The following VPS8 variants were observed in gnomAD, a reference collection of about 807,000 sequenced individuals.
VPS8 encodes the protein VPS8 subunit of CORVET complex.
In VPS8, 129 loss-of-function variants were observed where a neutral mutation model predicts 216.4. The ratio of observed to expected loss-of-function variants is 0.60; its 90% CI spans 0.52 to 0.69. The LOEUF (loss-of-function observed/expected upper bound fraction) is 0.69, where lower values mean the gene tolerates loss of function less well. Ranked by LOEUF, VPS8 falls within the 30% of genes least tolerant of loss-of-function variation. VPS8 has a pLI of 0.00. For missense variants in VPS8, 1,531 were observed against 1,683.5 expected (o/e 0.91, Z 1.59); for synonymous variants, 571 against 565.4 (o/e 1.01, Z -0.14).
intron 1 of VPS8, among the ~76,000 whole-genome samples, chr3:184,822,743 A>C (rs1465869118): frequency 1.3e-5 from 2 of 152,222 alleles, no homozygotes; most frequent in Admixed American, 1.3e-4. Context: ...TCATGAGCTA[A>C]GGTCTTTGAA....
Position 185,032,616 on chromosome 3 carries a change from G to A in VPS8, c.4056+8227G>A, listed in dbSNP as rs764571303. Among the ~76,000 whole-genome samples the A allele has an allele frequency of 3.8e-4, 58 of 152,054 alleles. 2 individuals are homozygous for A. Among genetic ancestry groups the A allele is most frequent in the Non-Finnish European group, 1.2e-4 (8 of 67,982 alleles). On this transcript the variant is annotated intron_variant, in intron 46 of 47. Coordinates refer to ENST00000625842, the MANE Select transcript of VPS8 (RefSeq NM_001009921.3). Reference sequence around the variant, plus strand: ...AGGAAAGAAGCTTAACCAAAATTTGGTTATCAGTTAATAAGCAGTTTGATT... The same window carrying A: ...AGGAAAGAAGCTTAACCAAAATTTGATTATCAGTTAATAAGCAGTTTGATT...
chr3:184,915,552 C>A (rs1293182300), intron 28 of VPS8, 78 bp downstream of exon 28: 19 of 1,478,994 alleles, frequency 1.3e-5, no homozygotes, highest in Non-Finnish European at 1.7e-5. Flanking sequence ...GTGGCTCACC[C>A]CTGTAATCCC....
At chr3:185,035,976 A>T (rs1758822886) in intron 46 of VPS8, among the ~76,000 whole-genome samples, 1 of 152,238 alleles carries the variant, frequency 6.6e-6, no homozygotes, top group African/African-American at 2.4e-5. Context: ...GTTCAGGCTG[A>T]GAATGAAATC....
At chr3:185,010,840 G>A (rs560474349) in intron 45 of VPS8, among the ~76,000 whole-genome samples, 46 of 151,920 alleles carry the variant, frequency 3.0e-4, no homozygotes, top group African/African-American at 1.0e-3. Flanking sequence ...TGTCTCTACC[G>A]AAATTTTTAA....
intron 3 of VPS8, among the ~76,000 whole-genome samples, chr3:184,830,033 T>C (rs952089921): frequency 1.3e-5 from 2 of 152,224 alleles, no homozygotes; most frequent in Non-Finnish European, 2.9e-5. Context: ...AAATTTTCCA[T>C]TCGTGTGCGT....
At position 184,834,804 on chromosome 3, in the gene VPS8, G is replaced by T. The variant is rs1333833478; in HGVS notation, c.447+62G>T. The T allele has an allele frequency of 3.0e-6, 4 of 1,326,952 alleles. No individual in the cohort carries two copies. In the African/African-American group the frequency reaches 5.9e-5, roughly 20 times the overall value. 82.2% of individuals were successfully genotyped at this position (1,326,952 alleles called of 1,614,324 possible). A position where few individuals can be genotyped will look rare whatever the true frequency, so the allele number is the denominator to read the frequency against. ...TGCAATGGCATAATGAAGTAGGAAT[G>T]AGCATAGAACAAAATACAGCACTTC... On this transcript the variant is annotated intron_variant, in intron 5 of 47. Coordinates refer to ENST00000625842, the MANE Select transcript of VPS8 (RefSeq NM_001009921.3).
At chr3:184,818,041 A>G (rs1424793189) in intron 1 of VPS8, among the ~76,000 whole-genome samples, 1 of 152,192 alleles carries the variant, frequency 6.6e-6, no homozygotes, top group African/African-American at 2.4e-5. Context: ...GTAGAGAAAA[A>G]GGAAAGGAAA....
intron 21 of VPS8, among the ~76,000 whole-genome samples, chr3:184,871,551 A>AT (rs1273733405): frequency 1.3e-5 from 2 of 151,896 alleles, no homozygotes; most frequent in East Asian, 1.9e-4. Flanking sequence ...TTGTTTTTTG[A>AT]TTTTTTAAGC....
intron 29 of VPS8, among the ~76,000 whole-genome samples, chr3:184,924,022 GAC>G (rs1739126070): frequency 6.6e-6 from 1 of 152,126 alleles, no homozygotes; most frequent in Non-Finnish European, 1.5e-5. Context: ...TTTTCTTAAA[GAC>G]ACTTATAGCA....
At chr3:185,000,118 G>T (rs1223762121) in intron 45 of VPS8, among the ~76,000 whole-genome samples, 2 of 152,186 alleles carry the variant, frequency 1.3e-5, no homozygotes, top group Admixed American at 6.5e-5. Flanking sequence ...GACAGATGAG[G>T]TGTACACACA....
rs953837302 is a variant in VPS8 at position 184,955,840 on chromosome 3, C to T, written c.3036-1534C>T. On this transcript the variant is annotated intron_variant, in intron 36 of 47. Transcript: ENST00000625842. Reference sequence around the variant, plus strand: ...TATGAATGCAATACCATGGACTTTACAATGTGGTTGGGGACACACATACTT... The same window carrying T: ...TATGAATGCAATACCATGGACTTTATAATGTGGTTGGGGACACACATACTT... Among the ~76,000 whole-genome samples, 19 of 152,018 alleles carry T rather than the reference C, an allele frequency of 1.2e-4. No homozygotes were observed. In the East Asian group the frequency reaches 3.5e-3, roughly 28 times the overall value.
chr3:185,023,691 A>G (rs1756964565), intron 45 of VPS8, among the ~76,000 whole-genome samples: 1 of 152,116 alleles, frequency 6.6e-6, no homozygotes, highest in Non-Finnish European at 1.5e-5. Flanking sequence ...AAAAAAATGT[A>G]GTGCTATCAT....
intron 45 of VPS8, among the ~76,000 whole-genome samples, chr3:185,002,419 G>A (rs1391740657): frequency 6.6e-6 from 1 of 152,178 alleles, no homozygotes; most frequent in Non-Finnish European, 1.5e-5. Context: ...CGAGCATCAA[G>A]AAAGGTTCGG....
chr3:184,972,100 T>C (rs1748521452), intron 40 of VPS8, among the ~76,000 whole-genome samples: 1 of 151,576 alleles, frequency 6.6e-6, no homozygotes, highest in Admixed American at 6.6e-5. Context: ...AAGCCTGTAC[T>C]TGTCTGAAAC....
At position 184,999,710 on chromosome 3, in the gene VPS8, A is replaced by G. The variant is rs1283594046; in HGVS notation, c.3851A>G (p.Tyr1284Cys). The stretch of plus-strand genomic sequence containing the variant: ...TCGTTTTGCAGCTGTGGCCATTTGT[A>G]TCACTCATTCTGCCTACAAAACAAA... ...EIIVFSCGHL[Y>C]HSFCLQNKEC... Residue 1284 changes from tyrosine to cysteine, a missense_variant, in exon 45 of 48, where the codon TAT (tyrosine) becomes TGT (cysteine). Tyr to Cys is a radical substitution (Grantham distance 194). Transcript: ENST00000625842. 2 of 1,608,188 alleles carry G rather than the reference A, an allele frequency of 1.2e-6. No homozygotes were observed. The highest frequency in any genetic ancestry group is 3.4e-5 in the Admixed American group (2 of 58,476).
chr3:184,814,123 A>C (rs191324738), intron 1 of VPS8, among the ~76,000 whole-genome samples: 2 of 152,220 alleles, frequency 1.3e-5, no homozygotes, highest in East Asian at 3.8e-4. Flanking sequence ...TGTAATAGCA[A>C]TTATACTTTT....
At chr3:184,974,263 C>T (rs886501677) in intron 40 of VPS8, among the ~76,000 whole-genome samples, 14 of 152,222 alleles carry the variant, frequency 9.2e-5, no homozygotes, top group African/African-American at 3.4e-4. Context: ...TGTAATGGCT[C>T]ATGATGACTT....
intron 37 of VPS8, among the ~76,000 whole-genome samples, chr3:184,962,005 G>C (rs185769615): frequency 6.6e-6 from 1 of 152,126 alleles, no homozygotes; most frequent in African/African-American, 2.4e-5. Context: ...CAAGAGATCC[G>C]CCCACCTTGG....
chr3:184,937,527 G>A (rs533131936), intron 35 of VPS8, among the ~76,000 whole-genome samples: 5 of 152,210 alleles, frequency 3.3e-5, no homozygotes, highest in Non-Finnish European at 7.3e-5. Flanking sequence ...GAACAGAGAA[G>A]CACTTGCATA....
Sources: gnomAD v4.1 joint callset for allele counts (sites outside exome capture counted in the v4.1 genomes callset) on GRCh38, gnomAD v4.1.1 for gene constraint, MANE v1.5 for transcripts, NCBI Gene and HGNC (gene_info 2026-07-23, HGNC 2026-07-21) for gene names.